The following FAM222B variants were observed in gnomAD, a reference collection of about 807,000 sequenced individuals.
The protein encoded by FAM222B is protein FAM222B.
A neutral mutation model predicts 38.0 loss-of-function variants in FAM222B; 12 were observed. The ratio of observed to expected loss-of-function variants is 0.32; its 90% CI spans 0.20 to 0.51. FAM222B has a LOEUF of 0.51. Among genes scored for constraint, FAM222B ranks in the 20% least tolerant of loss-of-function variants. The pLI is 0.97. For missense variants in FAM222B, 716 were observed against 754.2 expected, an observed-to-expected ratio of 0.95 and a Z score of 0.59; for synonymous variants, 329 against 317.2, an observed-to-expected ratio of 1.04 and a Z score of -0.40.
intron 1 of FAM222B, among the ~76,000 whole-genome samples, chr17:28,854,436 G>A (rs17721253): frequency 0.019 from 2,851 of 152,284 alleles, 54 homozygotes; most frequent in Admixed American, 0.054. Context: ...GTAGACAGTA[G>A]CCAAGGCTTA....
At chr17:28,765,911 C>G (rs763663101) in intron 2 of FAM222B, among the ~76,000 whole-genome samples, 3 of 152,198 alleles carry the variant, frequency 2.0e-5, no homozygotes, top group Non-Finnish European at 4.4e-5. Flanking sequence ...AGGGAACTGT[C>G]TGTTTCCATG....
At chr17:28,833,185 T>C (rs1489633833) in intron 1 of FAM222B, among the ~76,000 whole-genome samples, 1 of 151,906 alleles carries the variant, frequency 6.6e-6, no homozygotes, top group Non-Finnish European at 1.5e-5. Flanking sequence ...GGCACGCGCC[T>C]GTAGTCCCAG....
At chr17:28,764,531 C>G (rs560019116) in intron 2 of FAM222B, among the ~76,000 whole-genome samples, 1 of 152,140 alleles carries the variant, frequency 6.6e-6, no homozygotes, top group East Asian at 1.9e-4. Flanking sequence ...GGCGGATCAC[C>G]TGAAGTCGGG....
chr17:28,760,237 G>GA (rs2035005919), intron 2 of FAM222B, among the ~76,000 whole-genome samples: 1 of 152,072 alleles, frequency 6.6e-6, no homozygotes. Flanking sequence ...ACCAGAATTT[G>GA]GCCAATTCTC....
chr17:28,806,509 C>A (rs1350249320), intron 1 of FAM222B, among the ~76,000 whole-genome samples: 1 of 152,160 alleles, frequency 6.6e-6, no homozygotes, highest in Non-Finnish European at 1.5e-5. Flanking sequence ...CACCTGTAGT[C>A]CCTTCGGTGG....
At position 28,758,473 on chromosome 17, in the gene FAM222B, G is replaced by A. The variant is rs201079160; in HGVS notation, c.1486C>T (p.Arg496Ter). The A allele has an allele frequency of 3.1e-6, 5 of 1,613,422 alleles. No homozygotes were observed. The highest frequency in any genetic ancestry group is 3.4e-6 in the Non-Finnish European group (4 of 1,179,764). The change falls in exon 3 of 3, where the codon CGA (arginine) becomes TGA (stop). Residue 496 changes from arginine (R) to a stop codon, truncating the protein, a stop_gained. Transcript: ENST00000581407. LOFTEE classifies it high-confidence loss of function. Reference protein sequence around the residue: ...DCAAAPGAHYRAGTGGGPVAS... With the variant: ...DCAAAPGAHY ...ACTGGACCGCCCCCGGTCCCTGCTC[G>A]GTAGTGGGCCCCGGGAGCTGCCGCA... is the stretch of plus-strand genomic sequence containing the variant.
chr17:28,837,892 A>G (rs887747593), intron 1 of FAM222B, among the ~76,000 whole-genome samples: 1 of 151,962 alleles, frequency 6.6e-6, no homozygotes, highest in Non-Finnish European at 1.5e-5. Flanking sequence ...ACCTCAAATG[A>G]TCCACCCACC....
chr17:28,830,307 G>A (rs2038621168), intron 1 of FAM222B, among the ~76,000 whole-genome samples: 2 of 151,806 alleles, frequency 1.3e-5, no homozygotes, highest in South Asian at 2.1e-4. Flanking sequence ...GACTACAGGT[G>A]CCCGCAACCA....
chr17:28,796,549 A>G (rs949971275), intron 1 of FAM222B, among the ~76,000 whole-genome samples: 16 of 152,178 alleles, frequency 1.1e-4, no homozygotes, highest in African/African-American at 3.9e-4. Context: ...ACACCATGCT[A>G]CTATGCACTA....
chr17:28,787,090 A>G (rs1055907284), intron 1 of FAM222B, among the ~76,000 whole-genome samples: 1 of 151,668 alleles, frequency 6.6e-6, no homozygotes, highest in Non-Finnish European at 1.5e-5. Context: ...ACGCCCAGCT[A>G]ATTTTTTTGT....
chr17:28,791,646 T>C (rs1334892893), intron 1 of FAM222B, among the ~76,000 whole-genome samples: 1 of 150,024 alleles, frequency 6.7e-6, no homozygotes, highest in Non-Finnish European at 1.5e-5. Flanking sequence ...TTTGGGAGAT[T>C]GAGTCAGGAG....
exon 1 of FAM222B, chr17:28,854,973 C>T: frequency 6.6e-7 from 1 of 1,506,002 alleles, no homozygotes; most frequent in South Asian, 1.3e-5. Flanking sequence ...GCTGGTTCGT[C>T]AGCCGCTCTG....
At chr17:28,838,743 C>T (rs987502684) in intron 1 of FAM222B, among the ~76,000 whole-genome samples, 18 of 151,044 alleles carry the variant, frequency 1.2e-4, no homozygotes, top group African/African-American at 3.7e-4. Context: ...GTCATCTCTA[C>T]TAAAAATACA....
chr17:28,837,421 C>A (rs1376414201), intron 1 of FAM222B, among the ~76,000 whole-genome samples: 1 of 148,932 alleles, frequency 6.7e-6, no homozygotes, highest in African/African-American at 2.5e-5. Flanking sequence ...CCGAGGGAGA[C>A]TCCGTCTCAA....
intron 1 of FAM222B, among the ~76,000 whole-genome samples, chr17:28,807,889 C>T (rs1473177290): frequency 6.6e-6 from 1 of 152,074 alleles, no homozygotes; most frequent in Non-Finnish European, 1.5e-5. Flanking sequence ...TGGTTTAAAA[C>T]AAACAAAAAG....
intron 1 of FAM222B, among the ~76,000 whole-genome samples, chr17:28,798,482 A>G (rs1430108511): frequency 2.0e-5 from 3 of 152,216 alleles, no homozygotes; most frequent in African/African-American, 7.2e-5. Context: ...AGCAATCCTC[A>G]CTAAGAAACT....
At chr17:28,835,106 C>T (rs866343702) in intron 1 of FAM222B, among the ~76,000 whole-genome samples, 13 of 151,104 alleles carry the variant, frequency 8.6e-5, no homozygotes, top group African/African-American at 2.4e-4. Flanking sequence ...AGTGCAGTGG[C>T]GTGATCTCAG....
In FAM222B at chr17:28,799,958, A is replaced by G. The variant is rs375832550; in HGVS notation, c.-40-33251T>C. Reference sequence around the variant, plus strand: ...AACAAAGTAATGCAAACTTCCACACATACCAAAGACTGCTGTTGTATGTAA... The same window carrying G: ...AACAAAGTAATGCAAACTTCCACACGTACCAAAGACTGCTGTTGTATGTAA... On this transcript the variant is annotated intron_variant, in intron 1 of 2. Transcript: ENST00000581407. Among the ~76,000 whole-genome samples, 80 of 152,148 alleles carry G rather than the reference A, an allele frequency of 5.3e-4. 1 individual carries two copies. In the South Asian group the frequency reaches 0.016, roughly 31 times the overall value.
chr17:28,803,628 G>A (rs552509703), intron 1 of FAM222B, among the ~76,000 whole-genome samples: 1 of 152,162 alleles, frequency 6.6e-6, no homozygotes, highest in South Asian at 2.1e-4. Flanking sequence ...GCTACCAACA[G>A]CTCACCCACA....
Sources: gnomAD v4.1 joint callset for allele counts (sites outside exome capture counted in the v4.1 genomes callset) on GRCh38, gnomAD v4.1.1 for gene constraint, MANE v1.5 for transcripts, NCBI Gene and HGNC (gene_info 2026-07-23, HGNC 2026-07-21) for gene names.